Variants in USP3 observed in about 807,000 individuals in gnomAD.
USP3 encodes the protein ubiquitin carboxyl-terminal hydrolase 3.
Under a neutral mutation model 72.3 loss-of-function variants are expected in USP3, and 20 were observed. The ratio of observed to expected loss-of-function variants is 0.28; its 90% CI spans 0.19 to 0.40. The LOEUF (loss-of-function observed/expected upper bound fraction) is 0.40. Ranked by LOEUF, USP3 falls within the 10% of genes least tolerant of loss-of-function variation. USP3 has a pLI of 1.00. For missense variants in USP3, 479 were observed against 633.9 expected (o/e 0.76, Z 2.62); for synonymous variants, 222 against 225.3 (o/e 0.99, Z 0.13).
intron 7 of USP3, among the ~76,000 whole-genome samples, chr15:63,561,112 G>A (rs2066601281): frequency 6.6e-6 from 1 of 152,058 alleles, no homozygotes; most frequent in Non-Finnish European, 1.5e-5. Flanking sequence ...CAGCATCTAG[G>A]ATGAGTTGAG....
At chr15:63,532,609 G>A in intron 1 of USP3, 38 bp from the exon 2 acceptor site, 1 of 1,609,244 alleles carries the variant, frequency 6.2e-7, no homozygotes, top group Non-Finnish European at 8.5e-7. Context: ...GAAATAACAT[G>A]ATGCAATTGG....
chr15:63,593,971 C>T lies in USP3; in HGVS notation c.*3145C>T, dbSNP rs1167526256. 6.6e-6 allele frequency: 1 copy of T among 152,210 alleles called. No homozygotes were observed. The highest frequency in any genetic ancestry group is 1.5e-5 in the Non-Finnish European group (1 of 68,044). 9.4% of individuals were successfully genotyped at this position (152,210 alleles called of 1,614,324 possible). A position where few individuals can be genotyped will look rare whatever the true frequency, so the allele number is the denominator to read the frequency against. On this transcript the variant is annotated 3_prime_UTR_variant, in exon 15 of 15. Transcript: ENST00000380324. The stretch of plus-strand genomic sequence containing the variant: ...AAATCTCTCTCCATGGTGGAGAAAC[C>T]TTTGCTTATCCACTGTATTCTACTC...
At chr15:63,572,962 G>T (rs1287881231) in intron 9 of USP3, among the ~76,000 whole-genome samples, 1 of 152,140 alleles carries the variant, frequency 6.6e-6, no homozygotes, top group African/African-American at 2.4e-5. Context: ...GTGTTGTGAA[G>T]ATTAATTGAT....
Position 63,590,572 on chromosome 15 carries a change from A to ATTAAAAT in USP3, c.1398-83_1398-77dup, listed in dbSNP as rs540479296. The stretch of plus-strand genomic sequence containing the variant: ...AATCAAAAGTCTAGGATGTATTCTT[A>ATTAAAAT]TTAAAATTTAAATCTAACATTATAT... On this transcript the variant is annotated intron_variant, in intron 14 of 14. Coordinates refer to ENST00000380324, the MANE Select transcript of USP3 (RefSeq NM_006537.4). 316 of 1,237,908 alleles carry ATTAAAAT rather than the reference A, an allele frequency of 2.6e-4. 4 individuals are homozygous for ATTAAAAT. The African/African-American group carries it at 4.4e-3, about 17-fold the overall frequency. 76.7% of individuals were successfully genotyped at this position (1,237,908 alleles called of 1,614,324 possible). A position where few individuals can be genotyped will look rare whatever the true frequency, so the allele number is the denominator to read the frequency against.
chr15:63,577,623 G>T (rs536782767), intron 11 of USP3, among the ~76,000 whole-genome samples: 45 of 152,258 alleles, frequency 3.0e-4, no homozygotes, highest in African/African-American at 1.1e-3. Flanking sequence ...ATGGTGGGGA[G>T]TACCTGTAAC....
At chr15:63,556,182 C>T (rs2066504708) in intron 4 of USP3, 1 of 152,374 alleles carries the variant, frequency 6.6e-6, no homozygotes, top group Non-Finnish European at 1.5e-5. Flanking sequence ...ATTCCTGTAA[C>T]TTATTTATCA....
chr15:63,582,017 T>C (rs1474593330), intron 11 of USP3, among the ~76,000 whole-genome samples: 2 of 152,248 alleles, frequency 1.3e-5, no homozygotes, highest in African/African-American at 2.4e-5. Context: ...TTTATACATA[T>C]GTTTATTGAA....
At chr15:63,507,139 G>A (rs1241859369) in intron 1 of USP3, among the ~76,000 whole-genome samples, 1 of 152,054 alleles carries the variant, frequency 6.6e-6, no homozygotes, top group African/African-American at 2.4e-5. Flanking sequence ...GGTAGCCGAT[G>A]TGTTGACTAA....
At chr15:63,585,251 A>G (rs1177538465) in intron 11 of USP3, among the ~76,000 whole-genome samples, 1 of 152,066 alleles carries the variant, frequency 6.6e-6, no homozygotes, top group Non-Finnish European at 1.5e-5. Context: ...TGGGTTTTCT[A>G]TTTCTGCAGA....
chr15:63,515,496 G>A (rs949184810), intron 1 of USP3: 9 of 152,306 alleles, frequency 5.9e-5, no homozygotes, highest in South Asian at 2.1e-4. Context: ...CTCTTCTTTG[G>A]CTCTGTAGGT....
chr15:63,539,079 A>G (rs1234356657), intron 3 of USP3, among the ~76,000 whole-genome samples: 1 of 151,950 alleles, frequency 6.6e-6, no homozygotes, highest in East Asian at 1.9e-4. Flanking sequence ...CAGGCAGTTA[A>G]AGCGTTTGCA....
intron 7 of USP3, among the ~76,000 whole-genome samples, chr15:63,562,618 G>A (rs1021825261): frequency 7.2e-5 from 11 of 152,186 alleles, no homozygotes; most frequent in Non-Finnish European, 1.3e-4. Flanking sequence ...AGTGCTGTAT[G>A]GTTTGCTTGC....
At chr15:63,555,950 A>ACT (rs2066500656) in intron 4 of USP3, among the ~76,000 whole-genome samples, 2 of 152,252 alleles carry the variant, frequency 1.3e-5, no homozygotes, top group African/African-American at 4.8e-5. Flanking sequence ...TGTGTTGTTT[A>ACT]ACCATAATTT....
At chr15:63,533,225 T>C (rs185190542) in intron 2 of USP3, among the ~76,000 whole-genome samples, 1 of 152,240 alleles carries the variant, frequency 6.6e-6, no homozygotes, top group East Asian at 1.9e-4. Context: ...ACCCTTAAAA[T>C]ATTTACAGAT....
chr15:63,559,039 G>GT (rs1433619829), intron 6 of USP3, among the ~76,000 whole-genome samples: 2 of 152,154 alleles, frequency 1.3e-5, no homozygotes, highest in Non-Finnish European at 2.9e-5. Context: ...TCAGTCATTA[G>GT]TTAAGTTTTA....
intron 3 of USP3, among the ~76,000 whole-genome samples, chr15:63,541,726 G>C (rs760959909): frequency 1.3e-5 from 2 of 152,104 alleles, no homozygotes; most frequent in Non-Finnish European, 2.9e-5. Context: ...TTCTCAGTTT[G>C]AAATAGGTGA....
At chr15:63,582,116 T>C (rs921637866) in intron 11 of USP3, among the ~76,000 whole-genome samples, 10 of 152,230 alleles carry the variant, frequency 6.6e-5, no homozygotes, top group Admixed American at 2.0e-4. Context: ...TTCAGAAATT[T>C]TATGTTTAGA....
At chr15:63,575,497 G>A (rs528065882) in intron 11 of USP3, among the ~76,000 whole-genome samples, 1 of 152,286 alleles carries the variant, frequency 6.6e-6, no homozygotes, top group Admixed American at 6.5e-5. Flanking sequence ...GTCGTTTCTA[G>A]AAATCTGTCA....
chr15:63,548,508 A>C (rs1209867196), intron 3 of USP3, among the ~76,000 whole-genome samples: 1 of 151,720 alleles, frequency 6.6e-6, no homozygotes, highest in Non-Finnish European at 1.5e-5. Flanking sequence ...GTATTTTTTT[A>C]GTAGAGACAG....
Sources: gnomAD v4.1 joint callset for allele counts (sites outside exome capture counted in the v4.1 genomes callset) on GRCh38, gnomAD v4.1.1 for gene constraint, MANE v1.5 for transcripts, NCBI Gene and HGNC (gene_info 2026-07-23, HGNC 2026-07-21) for gene names.